RBBP6: variants seen among roughly 807,000 people sequenced by gnomAD.
The protein encoded by RBBP6 is E3 ubiquitin-protein ligase RBBP6.
Under a neutral mutation model 167.7 loss-of-function variants are expected in RBBP6, and 25 were observed. The ratio of observed to expected loss-of-function variants is 0.15; its 90% CI spans 0.11 to 0.21. The LOEUF (loss-of-function observed/expected upper bound fraction) is 0.21. Among genes scored for constraint, RBBP6 ranks in the 10% least tolerant of loss-of-function variants. RBBP6 has a pLI of 1.00. For missense variants in RBBP6, 1,868 were observed against 2,134.2 expected, an observed-to-expected ratio of 0.88 and a Z score of 2.46; for synonymous variants, 789 against 735.8, an observed-to-expected ratio of 1.07 and a Z score of -1.17.
At chr16:24,561,333 C>G (rs529904431) in intron 8 of RBBP6, among the ~76,000 whole-genome samples, 3 of 152,032 alleles carry the variant, frequency 2.0e-5, no homozygotes, top group African/African-American at 7.2e-5. Context: ...TCAAGTGATT[C>G]TCCTGTCCCA....
intron 3 of RBBP6, among the ~76,000 whole-genome samples, chr16:24,550,307 A>T (rs1235098387): frequency 6.6e-6 from 1 of 150,454 alleles, no homozygotes; most frequent in Non-Finnish European, 1.5e-5. Context: ...TAAGATCAAA[A>T]GTCTTAGTGT....
At chr16:24,541,205 C>CAAAAAAAAAAAAAAAAAAA (rs933107246) in intron 1 of RBBP6, among the ~76,000 whole-genome samples, 6 of 79,266 alleles carry the variant, frequency 7.6e-5, no homozygotes, top group African/African-American at 2.1e-4. Context: ...AAAAAAAAAC[C>CAAAAAAAAAAAAAAAAAAA]AAAAAAACAA....
In RBBP6 at chr16:24,571,036, G is replaced by C; in HGVS notation, c.3970G>C (p.Asp1324His). 1 of 1,612,648 alleles carries C rather than the reference G, an allele frequency of 6.2e-7. No individual in the cohort carries two copies. Among genetic ancestry groups the C allele is most frequent in the Non-Finnish European group, 8.5e-7 (1 of 1,178,784 alleles). Residue 1324 changes from aspartate to histidine, a missense_variant, in exon 18 of 18, where the codon GAT (aspartate) becomes CAT (histidine). By Grantham distance (81) the Asp-to-His change is moderately conservative. Transcript: ENST00000319715. ...GGTTCCTCAATCCAAATGGGATAAA[G>C]ATGACTTTGAATCTGAAGAAGAAGA... ...IQVPQSKWDK[D>H]DFESEEEDVK...
chr16:24,560,116 T>G lies in RBBP6; in HGVS notation c.847+439T>G, dbSNP rs951928900. 3.2e-4 allele frequency among the ~76,000 whole-genome samples: 48 copies of G among 149,256 alleles called. 1 individual carries two copies. The highest frequency in any genetic ancestry group is 8.6e-4 in the African/African-American group (35 of 40,726). ...GATTCCTGTAGACAGTTTTTGTTTT[T>G]TTTTTTTTTTTTTGAGACAGAGTCT... On this transcript the variant is annotated intron_variant, in intron 8 of 17. Transcript: ENST00000319715.
At chr16:24,547,374 C>T (rs1284405050) in intron 2 of RBBP6, among the ~76,000 whole-genome samples, 2 of 152,032 alleles carry the variant, frequency 1.3e-5, no homozygotes, top group Non-Finnish European at 2.9e-5. Context: ...GTTGTAATTG[C>T]CAAGTGAACT....
rs1474641471 is a variant in RBBP6 at position 24,569,463 on chromosome 16, C to G, written c.2773C>G (p.Pro925Ala). The part of the protein sequence containing the change: ...KSKEKESENA[P>A]GDGKGNKHKK... ...AAAAGAGAAGGAGAGTGAAAACGCT[C>G]CAGGAGATGGTAAAGGAAATAAGCA... Residue 925 changes from proline to alanine, a missense_variant, in exon 17 of 18, where the codon CCA becomes GCA. Coordinates refer to ENST00000319715, the MANE Select transcript of RBBP6 (RefSeq NM_006910.5). 2.5e-6 allele frequency: 4 copies of G among 1,611,722 alleles called. No individual in the cohort carries two copies. The highest frequency in any genetic ancestry group is 1.1e-5 in the South Asian group (1 of 90,616).
Position 24,572,226 on chromosome 16 carries a change from A to G in RBBP6, c.5160A>G (p.Ser1720=). 1 of 1,614,174 alleles carries G rather than the reference A, an allele frequency of 6.2e-7. No individual in the cohort carries two copies. The highest frequency in any genetic ancestry group is 1.1e-5 in the South Asian group (1 of 91,078). Residue 1720 remains serine, a synonymous_variant, in exon 18 of 18, where the codon TCA becomes TCG. Transcript: ENST00000319715. ...GAAGCCACAGTAGCAGTGCCAGCTC[A>G]GCAGAAAGTCAGGACAGCAAGAAGA... ...QTRSHSSSAS[S]AESQDSKKKK... is the part of the protein sequence containing the mutation.
At chr16:24,542,151 T>TAA (rs1898516071) in intron 1 of RBBP6, among the ~76,000 whole-genome samples, 1 of 152,156 alleles carries the variant, frequency 6.6e-6, no homozygotes, top group Non-Finnish European at 1.5e-5. Flanking sequence ...ATCCTCTGCC[T>TAA]AAGGAGAGGA....
At chr16:24,557,595 C>T (rs1018163090) in intron 7 of RBBP6, among the ~76,000 whole-genome samples, 6 of 151,806 alleles carry the variant, frequency 4.0e-5, no homozygotes, top group Admixed American at 2.0e-4. Flanking sequence ...ATCCTGGTTG[C>T]TCCGCCCCCA....
chr16:24,570,346 T>C lies in RBBP6; in HGVS notation c.3656T>C (p.Ile1219Thr). Residue 1219 changes from isoleucine to threonine, a missense_variant, in exon 17 of 18, where the codon ATT (isoleucine) becomes ACT (threonine). This residue lies in a region of RBBP6 where 673 missense variants were observed against 691.5 expected (regional missense o/e 0.97). Transcript: ENST00000319715. Reference sequence around the variant, plus strand: ...CTCAACAGAGAAACTGGGAAGAAAATTGGAAGTACAGAAAATATATCAAAC... The same window carrying C: ...CTCAACAGAGAAACTGGGAAGAAAACTGGAAGTACAGAAAATATATCAAAC... ...IKLNRETGKKIGSTENISNTK... is the reference protein window; with the variant it reads ...IKLNRETGKKTGSTENISNTK... 1 of 1,612,044 alleles carries C rather than the reference T, an allele frequency of 6.2e-7. No individual in the cohort carries two copies. The highest frequency in any genetic ancestry group is 1.1e-5 in the South Asian group (1 of 90,516).
At chr16:24,555,558 C>A in intron 4 of RBBP6, 57 bp from the exon 5 acceptor site, 4 of 1,325,730 alleles carry the variant, frequency 3.0e-6, no homozygotes, top group Non-Finnish European at 4.3e-6. Flanking sequence ...TTGTCTTTGG[C>A]TGTGTGGTCT....
intron 7 of RBBP6, among the ~76,000 whole-genome samples, chr16:24,556,748 C>T (rs1241338439): frequency 6.6e-6 from 1 of 152,120 alleles, no homozygotes; most frequent in Non-Finnish European, 1.5e-5. Context: ...CCCACATAAT[C>T]TTATTATATA....
At position 24,559,630 on chromosome 16, in the gene RBBP6, C is replaced by G. The variant is rs748768320; in HGVS notation, c.800C>G (p.Thr267Ser). 1.3e-5 allele frequency: 21 copies of G among 1,596,372 alleles called. No individual in the cohort carries two copies. The East Asian group carries it at 4.3e-4, about 33-fold the overall frequency. ...LLCLICKDIM[T>S]DAVVIPCCGN... is the part of the protein sequence containing the mutation. ...TGTCTCATCTGCAAGGATATTATGA[C>G]TGATGCTGTTGTGATTCCCTGCTGT... The change falls in exon 8 of 18, where the codon ACT (threonine) becomes AGT (serine). Residue 267 changes from threonine (T) to serine (S), a missense_variant. Transcript: ENST00000319715.
Position 24,568,903 on chromosome 16 carries a change from G to A in RBBP6, c.2213G>A (p.Arg738Lys). 2 of 1,614,236 alleles carry A rather than the reference G, an allele frequency of 1.2e-6. No individual in the cohort carries two copies. The highest frequency in any genetic ancestry group is 1.7e-6 in the Non-Finnish European group (2 of 1,180,044). ...SRSPPYPRRG[R>K]GKSRNYRSRS... Reference sequence around the variant, plus strand: ...TCACCTCCATACCCCAGAAGAGGCAGAGGCAAGAGCCGCAATTACCGTTCA... The same window carrying A: ...TCACCTCCATACCCCAGAAGAGGCAAAGGCAAGAGCCGCAATTACCGTTCA... The change falls in exon 17 of 18, where the codon AGA becomes AAA. Residue 738 changes from arginine to lysine, a missense_variant. Around this residue, in one of 7 missense-constraint regions of RBBP6, gnomAD observed 673 missense variants for 691.5 expected, o/e 0.97. Coordinates refer to ENST00000319715, the MANE Select transcript of RBBP6 (RefSeq NM_006910.5).
intron 1 of RBBP6, among the ~76,000 whole-genome samples, chr16:24,545,105 G>C (rs1278610034): frequency 6.6e-6 from 1 of 152,054 alleles, no homozygotes; most frequent in Non-Finnish European, 1.5e-5. Context: ...TTGAGACAGA[G>C]TCTTGCTCTG....
intron 14 of RBBP6, among the ~76,000 whole-genome samples, chr16:24,565,487 G>A (rs766891116): frequency 3.9e-5 from 6 of 152,206 alleles, no homozygotes; most frequent in Non-Finnish European, 7.3e-5. Context: ...CAGCAGCTGA[G>A]CGAGCATTAC....
chr16:24,541,694 G>A (rs1298337162), intron 1 of RBBP6, among the ~76,000 whole-genome samples: 4 of 152,208 alleles, frequency 2.6e-5, no homozygotes, highest in African/African-American at 9.6e-5. Flanking sequence ...GTGACAAGCA[G>A]TCTTTCCTGA....
At chr16:24,557,862 G>A (rs1041216451) in intron 7 of RBBP6, among the ~76,000 whole-genome samples, 3 of 152,210 alleles carry the variant, frequency 2.0e-5, no homozygotes, top group Admixed American at 2.0e-4. Flanking sequence ...AAAAGATCTT[G>A]TGTTTTTGAA....
In RBBP6 at chr16:24,569,165, A is replaced by G; in HGVS notation, c.2475A>G (p.Glu825=). The change falls in exon 17 of 18, where the codon GAA becomes GAG. Residue 825 remains glutamate (E), a synonymous_variant. Coordinates refer to ENST00000319715, the MANE Select transcript of RBBP6 (RefSeq NM_006910.5). ...SVDFRDPFEK[E]RYREWERKYR... ...ACTTTAGAGACCCATTTGAAAAAGA[A>G]CGCTACCGAGAATGGGAGAGAAAAT... 6.2e-7 allele frequency: 1 copy of G among 1,611,970 alleles called. No homozygotes were observed. The highest frequency in any genetic ancestry group is 1.1e-5 in the South Asian group (1 of 90,928).
Sources: gnomAD v4.1 joint callset for allele counts (sites outside exome capture counted in the v4.1 genomes callset) on GRCh38, gnomAD v4.1.1 for gene constraint, gnomAD v4.1.1 regional missense constraint, MANE v1.5 for transcripts, NCBI Gene and HGNC (gene_info 2026-07-23, HGNC 2026-07-21) for gene names.